Variants in SACS observed in about 807,000 individuals in gnomAD.
The protein encoded by SACS is sacsin molecular chaperone, also known as sacsin.
SACS carries 197 observed loss-of-function variants against 348.0 expected under a neutral mutation model. That is an observed-to-expected ratio of 0.57 (90% CI 0.50 to 0.64). The LOEUF is 0.64. Among genes scored for constraint, SACS ranks in the 30% least tolerant of loss-of-function variants. The probability of loss-of-function intolerance (pLI) is 0.00; values close to 1 mark genes in which losing one functional copy is unlikely to be tolerated. For synonymous variants in SACS, 1,985 were observed against 1,910.6 expected (o/e 1.04, Z -1.02); for missense variants, 4,999 against 5,360.8 (o/e 0.93, Z 2.11).
chr13:23,399,019 C>CAA (rs752943692), intron 2 of SACS, among the ~76,000 whole-genome samples: 8 of 67,132 alleles, frequency 1.2e-4, no homozygotes, highest in Admixed American at 2.1e-4. Flanking sequence ...GACTCCATCT[C>CAA]AAAAAAAAAA....
chr13:23,412,743 A>G (rs2137967141), intron 1 of SACS, among the ~76,000 whole-genome samples: 1 of 152,212 alleles, frequency 6.6e-6, no homozygotes, highest in Non-Finnish European at 1.5e-5. Flanking sequence ...GTGTACAATA[A>G]TAACTCATGT....
In SACS at chr13:23,353,865, G is replaced by C; in HGVS notation, c.2105C>G (p.Pro702Arg). 1 of 1,593,544 alleles carries C rather than the reference G, an allele frequency of 6.3e-7. No homozygotes were observed. Among genetic ancestry groups the C allele is most frequent in the Non-Finnish European group, 8.6e-7 (1 of 1,161,506 alleles). ...CAAAATAAATCTTCCTTCAAGACTTGGGAAAAGGGACCTGAAAAGGGAAAG... is the reference window on the plus strand; with the variant it reads ...CAAAATAAATCTTCCTTCAAGACTTCGGAAAAGGGACCTGAAAAGGGAAAG... ...TSAEYPRSLF[P>R]SLEGRFILDN... The change falls in exon 9 of 10, where the codon CCA becomes CGA. Residue 702 changes from proline to arginine, a missense_variant. Physicochemically the swap from Pro to Arg is moderately radical, Grantham distance 103. Transcript: ENST00000382292.
Position 23,338,893 on chromosome 13 carries a change from A to G in SACS, c.4983T>C (p.Ser1661=). 6.2e-7 allele frequency: 1 copy of G among 1,613,168 alleles called. No individual in the cohort carries two copies. Among genetic ancestry groups the G allele is most frequent in the Non-Finnish European group, 8.5e-7 (1 of 1,179,672 alleles). ...QQEAKVSEVS[S]TCYNTADIYS... is the part of the protein sequence containing the mutation. ...AAATATCTGCTGTATTGTAGCACGT[A>G]CTACTAACTTCACTCACTTTTGCTT... The change falls in exon 10 of 10, where the codon AGT becomes AGC. Residue 1661 remains serine (S), a synonymous_variant. Coordinates refer to ENST00000382292, the MANE Select transcript of SACS (RefSeq NM_014363.6).
chr13:23,348,599 G>A (rs1297213731), intron 9 of SACS, among the ~76,000 whole-genome samples: 1 of 152,214 alleles, frequency 6.6e-6, no homozygotes, highest in African/African-American at 2.4e-5. Context: ...CTATGTACTG[G>A]GTTCCAAGAG....
At position 23,355,518 on chromosome 13, in the gene SACS, C is replaced by T. The variant is rs376956536; in HGVS notation, c.1094G>A (p.Ser365Asn). The T allele has an allele frequency of 5.0e-6, 8 of 1,613,968 alleles. No homozygotes were observed. The highest frequency in any genetic ancestry group is 2.7e-5 in the African/African-American group (2 of 74,908). Residue 365 changes from serine (S) to asparagine (N), a missense_variant, in exon 8 of 10, where the codon AGC (serine) becomes AAC (asparagine). Transcript: ENST00000382292. Reference sequence around the variant, plus strand: ...ATATGTTACACAGGTGATGTTATTGCTTGGAGTCTTTTTACAATAGTTACT... The same window carrying T: ...ATATGTTACACAGGTGATGTTATTGTTTGGAGTCTTTTTACAATAGTTACT... Reference protein sequence around the residue: ...AISNYCKKTPSNNITCVTYHV... With the variant: ...AISNYCKKTPNNNITCVTYHV...
intron 1 of SACS, among the ~76,000 whole-genome samples, chr13:23,421,725 C>G (rs553138443): frequency 1.6e-3 from 248 of 151,794 alleles, no homozygotes; most frequent in Non-Finnish European, 3.0e-3. Context: ...CACCTGCGGC[C>G]TGATGTCCAC....
chr13:23,393,286 A>G (rs796367577), intron 2 of SACS, among the ~76,000 whole-genome samples: 1 of 152,210 alleles, frequency 6.6e-6, no homozygotes. Context: ...AGCCATGGAG[A>G]TATGTGTGTA....
At chr13:23,375,656 C>T in intron 2 of SACS, 1 of 730,648 alleles carries the variant, frequency 1.4e-6, no homozygotes, top group African/African-American at 2.0e-5. Flanking sequence ...GCCCCTCCCG[C>T]CAGGCCCCGC....
At chr13:23,369,077 A>G (rs921379398) in intron 4 of SACS, among the ~76,000 whole-genome samples, 8 of 152,248 alleles carry the variant, frequency 5.3e-5, no homozygotes, top group Non-Finnish European at 1.2e-4. Flanking sequence ...AAAAACAAGA[A>G]GCATGGTGCA....
At chr13:23,395,565 T>C (rs1307160780) in intron 2 of SACS, among the ~76,000 whole-genome samples, 1 of 151,660 alleles carries the variant, frequency 6.6e-6, no homozygotes, top group Non-Finnish European at 1.5e-5. Flanking sequence ...GAACTTTCCC[T>C]TCCCACTCAA....
Position 23,329,856 on chromosome 13 carries a change from C to G in SACS, c.*280G>C. The G allele has an allele frequency of 2.0e-6, 1 of 510,286 alleles. No individual in the cohort carries two copies. The highest frequency in any genetic ancestry group is 3.5e-5 in the Admixed American group (1 of 28,890). 31.6% of individuals were successfully genotyped at this position (510,286 alleles called of 1,614,324 possible). ...GACTCTTATCTAACAAACTGCTAAGCTTTGGTTATATAAAGTGCAGTTCAA... is the reference window on the plus strand; with the variant it reads ...GACTCTTATCTAACAAACTGCTAAGGTTTGGTTATATAAAGTGCAGTTCAA... On this transcript the variant is annotated 3_prime_UTR_variant, in exon 10 of 10. Coordinates refer to ENST00000382292, the MANE Select transcript of SACS (RefSeq NM_014363.6).
rs2137611917 is a variant in SACS at position 23,337,689 on chromosome 13, G to GA, written c.6186dup (p.Pro2063SerfsTer7). The GA allele has an allele frequency of 6.2e-7, 1 of 1,612,178 alleles. No homozygotes were observed. Among genetic ancestry groups the GA allele is most frequent in the South Asian group, 1.1e-5 (1 of 90,644 alleles). ...TCTGCTTCAATTTCTTGAATATTTG[G>GA]AAAAAACACTTCAGAAAAAAACTGT... is the stretch of plus-strand genomic sequence containing the variant. On this transcript the variant is annotated frameshift_variant, in exon 10 of 10. Coordinates refer to ENST00000382292, the MANE Select transcript of SACS (RefSeq NM_014363.6). LOFTEE classifies it high-confidence loss of function.
At chr13:23,350,555 C>T (rs140615609) in intron 9 of SACS, among the ~76,000 whole-genome samples, 34 of 152,256 alleles carry the variant, frequency 2.2e-4, no homozygotes, top group African/African-American at 7.9e-4. Context: ...GGAAAAGTTT[C>T]CATATCAGAA....
intron 1 of SACS, among the ~76,000 whole-genome samples, chr13:23,412,838 C>T (rs1051802854): frequency 1.3e-5 from 2 of 152,126 alleles, no homozygotes; most frequent in African/African-American, 4.8e-5. Flanking sequence ...TTCCTTGTAA[C>T]TATTGGTGCC....
intron 1 of SACS, among the ~76,000 whole-genome samples, chr13:23,417,387 T>C (rs187626802): frequency 2.6e-5 from 4 of 152,180 alleles, no homozygotes; most frequent in Admixed American, 1.3e-4. Context: ...CTAGAAGATA[T>C]TAAGCTTTAA....
In SACS at chr13:23,353,886, G is replaced by GAA. The variant is rs1167857307; in HGVS notation, c.2094-12_2094-11dup. ...ACTTGGGAAAAGGGACCTGAAAAGGGAAAGGAACAGCAATCATCATAATCT... is the reference window on the plus strand; with the variant it reads ...ACTTGGGAAAAGGGACCTGAAAAGGGAAAAAGGAACAGCAATCATCATAATCT... On this transcript the variant is annotated splice_polypyrimidine_tract_variant and intron_variant, in intron 8 of 9. Transcript: ENST00000382292. 7 of 1,416,164 alleles carry GAA rather than the reference G, an allele frequency of 4.9e-6. No individual in the cohort carries two copies. The highest frequency in any genetic ancestry group is 7.0e-6 in the Non-Finnish European group (7 of 999,422). 87.7% of individuals were successfully genotyped at this position (1,416,164 alleles called of 1,614,324 possible).
In SACS at chr13:23,355,451, T is replaced by A. The variant is rs1870303680; in HGVS notation, c.1161A>T (p.Ala387=). The A allele has an allele frequency of 6.2e-7, 1 of 1,614,050 alleles. No individual in the cohort carries two copies. Among genetic ancestry groups the A allele is most frequent in the Admixed American group, 1.7e-5 (1 of 60,000 alleles). The change falls in exon 8 of 10, where the codon GCA becomes GCT. Residue 387 remains alanine, a synonymous_variant. Coordinates refer to ENST00000382292, the MANE Select transcript of SACS (RefSeq NM_014363.6). ...IVLEEESTKD[A]QKTSWLVCNS... The stretch of plus-strand genomic sequence containing the variant: ...TACACACCAACCAAGATGTTTTCTG[T>A]GCATCCTTAGTACTCTCCTCTTCTA...
chr13:23,394,379 T>C (rs976458657), intron 2 of SACS, among the ~76,000 whole-genome samples: 5 of 152,226 alleles, frequency 3.3e-5, no homozygotes, highest in Non-Finnish European at 7.3e-5. Flanking sequence ...GGAATTTCCA[T>C]GCACTGAACC....
At chr13:23,387,562 T>A (rs940807618) in intron 2 of SACS, among the ~76,000 whole-genome samples, 4 of 151,328 alleles carry the variant, frequency 2.6e-5, no homozygotes, top group Non-Finnish European at 5.9e-5. Context: ...TGGAAGACCC[T>A]GTAGAGATAA....
Sources: allele counts gnomAD v4.1 joint callset (sites outside exome capture counted in the v4.1 genomes callset), GRCh38; gene constraint gnomAD v4.1.1; transcripts MANE v1.5; gene names NCBI Gene and HGNC (gene_info 2026-07-23, HGNC 2026-07-21).